DLG3: variants seen among roughly 807,000 people sequenced by gnomAD.
The protein encoded by DLG3 is disks large homolog 3.
DLG3 carries 1 observed loss-of-function variant against 64.1 expected under a neutral mutation model. The ratio of observed to expected loss-of-function variants is 0.02; its 90% CI spans 0.01 to 0.07. The LOEUF (loss-of-function observed/expected upper bound fraction) is 0.07. Ranked by LOEUF, DLG3 falls within the 10% of genes least tolerant of loss-of-function variation. The pLI is 1.00. For missense variants in DLG3, 429 were observed against 669.5 expected, an observed-to-expected ratio of 0.64 and a Z score of 3.96; for synonymous variants, 245 against 259.8, an observed-to-expected ratio of 0.94 and a Z score of 0.55.
chrX:70,500,156 C>A, intron 16 of DLG3, 107 bp downstream of exon 16: 1 of 729,781 alleles, frequency 1.4e-6, no homozygotes, highest in Non-Finnish European at 2.1e-6. Context: ...TGCTGCTGAC[C>A]AAAGCCATAG....
Position 70,492,095 on chromosome X carries a change from T to C in DLG3, c.1521-12T>C. 8.5e-7 allele frequency: 1 copy of C among 1,171,712 alleles called. No homozygotes were observed. Among genetic ancestry groups the C allele is most frequent in the Middle Eastern group, 2.8e-4 (1 of 3,549 alleles). On this transcript the variant is annotated splice_polypyrimidine_tract_variant and intron_variant, in intron 10 of 18. Transcript: ENST00000374360. ...GTTGGATGATCACTTCATCTTTCAC[T>C]GTGCCTTTCAGGGCCCTGTTTGATT...
Position 70,455,392 on chromosome X carries a change from G to C in DLG3, c.1405+1076G>C, listed in dbSNP as rs187829959. ...CCTCTCCCTCGAATGCCTTCGTTGC[G>C]TGCCCCCAGGCTCCTTCTGAGACCC... On this transcript the variant is annotated intron_variant, in intron 9 of 18. Coordinates refer to ENST00000374360, the MANE Select transcript of DLG3 (RefSeq NM_021120.4). 1.7e-5 allele frequency: 12 copies of C among 723,908 alleles called. No homozygotes were observed. The East Asian group carries it at 1.6e-3, about 96-fold the overall frequency. 59.7% of individuals were successfully genotyped at this position (723,908 alleles called of 1,213,427 possible).
intron 9 of DLG3, among the ~76,000 whole-genome samples, chrX:70,466,006 T>C (rs1381241340): frequency 9.0e-6 from 1 of 111,388 alleles, no homozygotes; most frequent in Non-Finnish European, 1.9e-5. Flanking sequence ...GTGGAATTAA[T>C]TGGATCAAAG....
At chrX:70,456,720 G>A (rs1288772462) in intron 9 of DLG3, among the ~76,000 whole-genome samples, 1 of 109,638 alleles carries the variant, frequency 9.1e-6, no homozygotes, top group Non-Finnish European at 1.9e-5. Flanking sequence ...CTTTGGTTTG[G>A]TAAATCCAGC....
intron 9 of DLG3, chrX:70,454,958 A>T: frequency 3.2e-6 from 2 of 622,675 alleles, no homozygotes; most frequent in Non-Finnish European, 3.9e-6. Flanking sequence ...ACCGAGGCCC[A>T]GGTGCCGAGG....
In DLG3 at chrX:70,499,886, G is replaced by A; in HGVS notation, c.1982G>A (p.Arg661Gln). The A allele has an allele frequency of 8.3e-7, 1 of 1,207,033 alleles. No homozygotes were observed. The highest frequency in any genetic ancestry group is 1.1e-6 in the Non-Finnish European group (1 of 893,197). Reference protein sequence around the residue: ...KFGSCVPHTTRPRRDNEVDGQ... With the variant: ...KFGSCVPHTTQPRRDNEVDGQ... The stretch of plus-strand genomic sequence containing the variant: ...TCCTTTCTTCCTTCAGATACTACCC[G>A]GCCTCGACGTGATAATGAGGTGGAT... Residue 661 changes from arginine (R) to glutamine (Q), a missense_variant, in exon 16 of 19, where the codon CGG (arginine) becomes CAG (glutamine). Physicochemically the swap from Arg to Gln is conservative, Grantham distance 43 (BLOSUM62 1). Coordinates refer to ENST00000374360, the MANE Select transcript of DLG3 (RefSeq NM_021120.4).
At position 70,445,466 on chromosome X, in the gene DLG3, C is replaced by G; in HGVS notation, c.265C>G (p.Pro89Ala). The G allele has an allele frequency of 8.3e-7, 1 of 1,202,744 alleles. No individual in the cohort carries two copies. Among genetic ancestry groups the G allele is most frequent in the Non-Finnish European group, 1.1e-6 (1 of 891,444 alleles). Residue 89 changes from proline (P) to alanine (A), a missense_variant, in exon 1 of 19, where the codon CCA (proline) becomes GCA (alanine). Coordinates refer to ENST00000374360, the MANE Select transcript of DLG3 (RefSeq NM_021120.4). ...GGATGTGGGGCCGGTGCCTCCTAAG[C>G]CAGTCCCGGGCAAGAGCACCCCCAA... Reference protein sequence around the residue: ...GRDVGPVPPKPVPGKSTPKLN... With the variant: ...GRDVGPVPPKAVPGKSTPKLN...
Position 70,457,015 on chromosome X carries a change from T to G in DLG3, c.1405+2699T>G, listed in dbSNP as rs1692818046. 2.7e-5 allele frequency among the ~76,000 whole-genome samples: 3 copies of G among 112,395 alleles called. No homozygotes were observed. The South Asian group carries it at 1.1e-3, about 42-fold the overall frequency. On this transcript the variant is annotated intron_variant, in intron 9 of 18. Transcript: ENST00000374360. ...ATTGGCCAAGTAAGTGTTCATTACT[T>G]GAATTTTTTTTTCTTCACGTGAATG... is the stretch of plus-strand genomic sequence containing the variant.
Position 70,489,549 on chromosome X carries a change from C to T in DLG3, c.1521-2558C>T, listed in dbSNP as rs377650814. Among the ~76,000 whole-genome samples, 12 of 110,586 alleles carry T rather than the reference C, an allele frequency of 1.1e-4. No individual in the cohort carries two copies. The East Asian group carries it at 2.6e-3, about 24-fold the overall frequency. ...AACTCCTGACCTCAAATGATCTGCC[C>T]GCCTCGGCCTCCCAAAGTGCTGGGA... On this transcript the variant is annotated intron_variant, in intron 10 of 18. Coordinates refer to ENST00000374360, the MANE Select transcript of DLG3 (RefSeq NM_021120.4).
At chrX:70,468,076 A>G (rs1419107007) in intron 9 of DLG3, among the ~76,000 whole-genome samples, 2 of 110,352 alleles carry the variant, frequency 1.8e-5, no homozygotes, top group Non-Finnish European at 1.9e-5. Context: ...TGTTTGTTTC[A>G]TTTTTGTTTA....
At position 70,490,310 on chromosome X, in the gene DLG3, G is replaced by A. The variant is rs150821699; in HGVS notation, c.1521-1797G>A. Among the ~76,000 whole-genome samples, 15 of 111,897 alleles carry A rather than the reference G, an allele frequency of 1.3e-4. No individual in the cohort carries two copies. In the East Asian group the frequency reaches 4.2e-3, roughly 31 times the overall value. ...GTTTCTCATTGTCACTGAGAATGAG[G>A]TTGCTTCATGATGCTCTTCTTAGTA... is the stretch of plus-strand genomic sequence containing the variant. On this transcript the variant is annotated intron_variant, in intron 10 of 18. Coordinates refer to ENST00000374360, the MANE Select transcript of DLG3 (RefSeq NM_021120.4).
At chrX:70,459,140 A>C (rs983209373) in intron 9 of DLG3, among the ~76,000 whole-genome samples, 2 of 112,094 alleles carry the variant, frequency 1.8e-5, no homozygotes, top group African/African-American at 6.5e-5. Flanking sequence ...TCTCAAAAAC[A>C]GGAGGTGAGC....
chrX:70,472,955 A>G (rs1277243700), intron 9 of DLG3, among the ~76,000 whole-genome samples: 2 of 110,426 alleles, frequency 1.8e-5, no homozygotes. Flanking sequence ...TCAAGAGTTC[A>G]AGACCAGCTT....
Position 70,504,762 on chromosome X carries a change from C to A in DLG3, c.*2493C>A, listed in dbSNP as rs1394829984. On this transcript the variant is annotated 3_prime_UTR_variant, in exon 19 of 19. Coordinates refer to ENST00000374360, the MANE Select transcript of DLG3 (RefSeq NM_021120.4). ...TGAGAAAAATGGCCAGAGAAAGTGACCTGCCAGCTACCAGTGTTTCCGAAA... is the reference window on the plus strand; with the variant it reads ...TGAGAAAAATGGCCAGAGAAAGTGAACTGCCAGCTACCAGTGTTTCCGAAA... 1 of 112,059 alleles carries A rather than the reference C, an allele frequency of 8.9e-6. No homozygotes were observed. Among genetic ancestry groups the A allele is most frequent in the Non-Finnish European group, 1.9e-5 (1 of 53,260 alleles). 9.2% of individuals were successfully genotyped at this position (112,059 alleles called of 1,213,427 possible).
chrX:70,472,950 A>G (rs1233777810), intron 9 of DLG3, among the ~76,000 whole-genome samples: 1 of 110,730 alleles, frequency 9.0e-6, no homozygotes, highest in African/African-American at 3.3e-5. Flanking sequence ...TGAGGTCAAG[A>G]GTTCAAGACC....
At chrX:70,469,898 C>T (rs1419484561) in intron 9 of DLG3, among the ~76,000 whole-genome samples, 2 of 112,209 alleles carry the variant, frequency 1.8e-5, no homozygotes, top group African/African-American at 3.2e-5. Context: ...TTATTTTTCA[C>T]AATTGGTGAC....
intron 9 of DLG3, among the ~76,000 whole-genome samples, chrX:70,456,364 G>T (rs1221896973): frequency 8.9e-6 from 1 of 112,468 alleles, no homozygotes; most frequent in Non-Finnish European, 1.9e-5. Flanking sequence ...TGTTGTAGGA[G>T]AAATTGATGT....
chrX:70,475,087 T>A (rs981015958), intron 9 of DLG3, among the ~76,000 whole-genome samples: 4 of 110,557 alleles, frequency 3.6e-5, no homozygotes, highest in African/African-American at 1.3e-4. Flanking sequence ...TCCTAGCACT[T>A]TGGGAGGCTG....
At chrX:70,497,693 G>A (rs1230376568) in intron 13 of DLG3, among the ~76,000 whole-genome samples, 1 of 112,361 alleles carries the variant, frequency 8.9e-6, no homozygotes, top group Non-Finnish European at 1.9e-5. Flanking sequence ...GACCAGACCA[G>A]AGAAACCGTA....
Sources: allele counts gnomAD v4.1 joint callset (sites outside exome capture counted in the v4.1 genomes callset), GRCh38; gene constraint gnomAD v4.1.1; transcripts MANE v1.5; gene names NCBI Gene and HGNC (gene_info 2026-07-23, HGNC 2026-07-21).